SH3RF3: variants seen among roughly 807,000 people sequenced by gnomAD.
SH3RF3 encodes E3 ubiquitin-protein ligase SH3RF3.
Under a neutral mutation model 66.3 loss-of-function variants are expected in SH3RF3, and 29 were observed. The observed-to-expected ratio is 0.44, with a 90% CI of 0.33 to 0.60. SH3RF3 has a LOEUF of 0.60. Among genes scored for constraint, SH3RF3 ranks in the 20% least tolerant of loss-of-function variants. The pLI, the probability that SH3RF3 is intolerant of heterozygous loss-of-function variation, is 0.04. For synonymous variants in SH3RF3, 583 were observed against 532.0 expected, an observed-to-expected ratio of 1.10 and a Z score of -1.32; for missense variants, 1,194 against 1,190.9, an observed-to-expected ratio of 1.00 and a Z score of -0.04.
intron 3 of SH3RF3, among the ~76,000 whole-genome samples, chr2:109,393,982 C>T (rs1676074665): frequency 1.3e-5 from 2 of 152,058 alleles, no homozygotes; most frequent in South Asian, 2.1e-4. Context: ...CAGGGCTGGC[C>T]GCACCTCCCC....
chr2:109,424,843 T>C (rs938672077), intron 5 of SH3RF3, among the ~76,000 whole-genome samples: 1 of 152,212 alleles, frequency 6.6e-6, no homozygotes, highest in East Asian at 1.9e-4. Context: ...TAACGCTAAG[T>C]GACCTCTAAG....
chr2:109,281,696 A>G, intron 1 of SH3RF3, among the ~76,000 whole-genome samples: 1 of 152,170 alleles, frequency 6.6e-6, no homozygotes, highest in South Asian at 2.1e-4. Context: ...TTCAGGGTAG[A>G]GGAAATCAGA....
intron 1 of SH3RF3, among the ~76,000 whole-genome samples, chr2:109,297,168 G>A (rs1303527720): frequency 6.6e-6 from 1 of 151,928 alleles, no homozygotes; most frequent in Non-Finnish European, 1.5e-5. Context: ...ACAGCAGAGA[G>A]AGCAGGGCCT....
chr2:109,307,876 G>A (rs111527304), intron 1 of SH3RF3, among the ~76,000 whole-genome samples: 7,429 of 95,296 alleles, frequency 0.078, 170 homozygotes, highest in African/African-American at 0.17. Context: ...TAATGCCGCA[G>A]TAAACATACG....
At chr2:109,222,245 T>TA (rs1679270241) in intron 1 of SH3RF3, among the ~76,000 whole-genome samples, 2 of 152,252 alleles carry the variant, frequency 1.3e-5, no homozygotes, top group South Asian at 4.1e-4. Context: ...GGTATAAACA[T>TA]ACAGTCAGAA....
intron 8 of SH3RF3, among the ~76,000 whole-genome samples, chr2:109,465,931 G>T (rs372548742): frequency 1.3e-5 from 2 of 152,046 alleles, no homozygotes; most frequent in African/African-American, 4.8e-5. Flanking sequence ...CCGTCCCCAC[G>T]ATCCAGTCAC....
At chr2:109,264,036 T>C (rs1445300493) in intron 1 of SH3RF3, among the ~76,000 whole-genome samples, 3 of 152,234 alleles carry the variant, frequency 2.0e-5, no homozygotes, top group Non-Finnish European at 4.4e-5. Context: ...AAGCCCTACA[T>C]GGTTTGCAAA....
rs549746923 is a variant in SH3RF3 at position 109,184,515 on chromosome 2, C to T, written c.573+54402C>T. On this transcript the variant is annotated intron_variant, in intron 1 of 9. Transcript: ENST00000309415. ...TCTGCTCACTGCTCAGAGTCCTGTG[C>T]GGATAGAGCTGGGCTGGGAGGCTGA... Among the ~76,000 whole-genome samples the T allele has an allele frequency of 3.5e-4, 54 of 152,284 alleles. 1 individual carries two copies. In the South Asian group the frequency reaches 0.011, roughly 30 times the overall value.
chr2:109,433,495 C>A lies in SH3RF3; in HGVS notation c.1574+824C>A, dbSNP rs192766809. 1.0e-3 allele frequency among the ~76,000 whole-genome samples: 158 copies of A among 152,308 alleles called. 2 individuals are homozygous for A. The East Asian group carries it at 0.029, about 28-fold the overall frequency. On this transcript the variant is annotated intron_variant, in intron 6 of 9. Coordinates refer to ENST00000309415, the MANE Select transcript of SH3RF3 (RefSeq NM_001099289.3). ...TCAGTCAGCCTCACTCACAGAAGCCCCTCGTGGGCACGGCCCTGTGTTGAC... is the reference window on the plus strand; with the variant it reads ...TCAGTCAGCCTCACTCACAGAAGCCACTCGTGGGCACGGCCCTGTGTTGAC...
intron 1 of SH3RF3, among the ~76,000 whole-genome samples, chr2:109,344,176 G>A (rs1390571429): frequency 1.3e-5 from 2 of 152,192 alleles, no homozygotes; most frequent in Non-Finnish European, 2.9e-5. Flanking sequence ...GGGTCCTGGG[G>A]TCATCAGAGT....
At chr2:109,348,995 G>A (rs1186887715) in intron 2 of SH3RF3, among the ~76,000 whole-genome samples, 1 of 152,020 alleles carries the variant, frequency 6.6e-6, no homozygotes, top group Non-Finnish European at 1.5e-5. Flanking sequence ...GTTCTGTCTT[G>A]CCTGTGTCTC....
At chr2:109,246,326 C>T (rs1041064675) in intron 1 of SH3RF3, among the ~76,000 whole-genome samples, 8 of 152,194 alleles carry the variant, frequency 5.3e-5, no homozygotes, top group African/African-American at 1.2e-4. Context: ...GGTTCACAGA[C>T]GGTGCCTTCT....
chr2:109,368,708 T>TA (rs372666198), intron 2 of SH3RF3, among the ~76,000 whole-genome samples: 6,840 of 136,744 alleles, frequency 0.05, 330 homozygotes, highest in African/African-American at 0.13. Context: ...GTATTTTCTT[T>TA]AAAAAAAAAA....
rs949587619 is a variant in SH3RF3, at chr2:109,281,367, G to A, written c.574-66307G>A. Among the ~76,000 whole-genome samples, 8 of 152,304 alleles carry A rather than the reference G, an allele frequency of 5.3e-5. No homozygotes were observed. The East Asian group carries it at 1.5e-3, about 29-fold the overall frequency. ...TCAGGAATTCTACTCTTGGGACTTG[G>A]AAAGTGAGGAGAGGGAAGGACTAGC... is the stretch of plus-strand genomic sequence containing the variant. On this transcript the variant is annotated intron_variant, in intron 1 of 9. Transcript: ENST00000309415.
chr2:109,409,644 T>G (rs1392743686), intron 4 of SH3RF3, among the ~76,000 whole-genome samples: 3 of 152,222 alleles, frequency 2.0e-5, no homozygotes, highest in African/African-American at 7.2e-5. Context: ...GCGTGGCTGC[T>G]GCCTCTCCCA....
chr2:109,272,759 T>C (rs763573494), intron 1 of SH3RF3, among the ~76,000 whole-genome samples: 4 of 152,228 alleles, frequency 2.6e-5, no homozygotes, highest in Non-Finnish European at 5.9e-5. Flanking sequence ...AGAGGATTTA[T>C]GAACCAGCAT....
At chr2:109,249,164 G>A (rs1357405919) in intron 1 of SH3RF3, among the ~76,000 whole-genome samples, 3 of 152,084 alleles carry the variant, frequency 2.0e-5, no homozygotes, top group African/African-American at 7.2e-5. Context: ...TTACAGGTGT[G>A]GGCCACCACA....
At chr2:109,270,492 G>T (rs887639681) in intron 1 of SH3RF3, among the ~76,000 whole-genome samples, 1 of 152,166 alleles carries the variant, frequency 6.6e-6, no homozygotes, top group Non-Finnish European at 1.5e-5. Flanking sequence ...TGAGCCACTG[G>T]ACTTAATGTG....
chr2:109,156,723 A>G (rs1007053793), intron 1 of SH3RF3, among the ~76,000 whole-genome samples: 7 of 152,130 alleles, frequency 4.6e-5, no homozygotes, highest in African/African-American at 1.4e-4. Context: ...GATTACAGGC[A>G]TGAGCCACCG....
Sources: gnomAD v4.1 joint callset for allele counts (sites outside exome capture counted in the v4.1 genomes callset) on GRCh38, gnomAD v4.1.1 for gene constraint, MANE v1.5 for transcripts, NCBI Gene and HGNC (gene_info 2026-07-23, HGNC 2026-07-21) for gene names.